Variants in ABL1 observed in about 807,000 individuals in gnomAD.
The protein encoded by ABL1 is ABL proto-oncogene 1, non-receptor tyrosine kinase, also known as tyrosine-protein kinase ABL1.
ABL1 carries 11 observed loss-of-function variants against 94.7 expected under a neutral mutation model. That is an observed-to-expected ratio of 0.12 (90% confidence interval 0.07 to 0.19). The LOEUF (loss-of-function observed/expected upper bound fraction) is 0.19. Ranked by LOEUF, ABL1 falls within the 10% of genes least tolerant of loss-of-function variation. The pLI is 1.00. For missense variants in ABL1, 1,082 were observed against 1,489.4 expected (o/e 0.73, Z 4.50); for synonymous variants, 656 against 622.4 (o/e 1.05, Z -0.80).
intron 1 of ABL1, among the ~76,000 whole-genome samples, chr9:130,728,725 A>G (rs1021693998): frequency 6.6e-6 from 1 of 150,620 alleles, no homozygotes; most frequent in South Asian, 2.1e-4. Context: ...TTTTCTGCTG[A>G]GATTCACCAT....
In ABL1 at chr9:130,725,842, T is replaced by TTTTTG. The variant is rs1564269532; in HGVS notation, c.136+11391_136+11392insGTTTT. 7.2e-4 allele frequency among the ~76,000 whole-genome samples: 92 copies of TTTTTG among 127,924 alleles called. 1 individual carries two copies. Among genetic ancestry groups the TTTTTG allele is most frequent in the African/African-American group, 2.4e-3 (81 of 34,396 alleles). 83.9% of individuals were successfully genotyped at this position (127,924 alleles called of 152,430 possible). A position where few individuals can be genotyped will look rare whatever the true frequency, so the allele number is the denominator to read the frequency against. ...TATGGTGGTTTTTTTTTTTTTTTTT[T>TTTTTG]TTTTTTTTTGAGACAGTCTCACTCT... On this transcript the variant is annotated intron_variant, in intron 1 of 10. Transcript: ENST00000372348.
At chr9:130,744,713 C>A (rs1045311093) in intron 1 of ABL1, among the ~76,000 whole-genome samples, 1 of 150,656 alleles carries the variant, frequency 6.6e-6, no homozygotes, top group African/African-American at 2.4e-5. Context: ...AAAAATTAGC[C>A]GAGCGTAGTG....
intron 1 of ABL1, among the ~76,000 whole-genome samples, chr9:130,810,753 G>T (rs201849490): frequency 2.1e-4 from 32 of 151,034 alleles, no homozygotes; most frequent in African/African-American, 4.6e-4. Context: ...TATATATAGA[G>T]AGAGAAAAAA....
At chr9:130,753,182 G>T (rs1050367685) in intron 1 of ABL1, among the ~76,000 whole-genome samples, 9 of 151,668 alleles carry the variant, frequency 5.9e-5, no homozygotes, top group Non-Finnish European at 1.3e-4. Context: ...GCGTGAACCC[G>T]GGAGGCAGAG....
rs2133038991 is a variant in ABL1 at position 130,885,151 on chromosome 9, G to A, written c.2861G>A (p.Gly954Asp). 6.2e-7 allele frequency: 1 copy of A among 1,613,078 alleles called. No homozygotes were observed. The highest frequency in any genetic ancestry group is 8.5e-7 in the Non-Finnish European group (1 of 1,179,904). The change falls in exon 11 of 11, where the codon GGC becomes GAC. Residue 954 changes from glycine (G) to aspartate (D), a missense_variant. Transcript: ENST00000318560. ...GCCAAGCCCAGCCAGCCGGGAGAGG[G>A]CCTCAAAAAGCCCGTGCTCCCGGCC... ...DAAKPSQPGE[G>D]LKKPVLPATP...
intron 1 of ABL1, among the ~76,000 whole-genome samples, chr9:130,793,012 G>A (rs934650699): frequency 6.6e-6 from 1 of 152,142 alleles, no homozygotes; most frequent in African/African-American, 2.4e-5. Flanking sequence ...TGCAGCCTCC[G>A]TCTCTGAGGT....
Position 130,835,747 on chromosome 9 carries a change from C to CTT in ABL1, c.79+223_79+224insTT, listed in dbSNP as rs1830567943. Among the ~76,000 whole-genome samples, 1 of 49,162 alleles carries CTT rather than the reference C, an allele frequency of 2.0e-5. No homozygotes were observed. The highest frequency in any genetic ancestry group is 6.0e-5 in the Non-Finnish European group (1 of 16,718). The allele number at this position is 49,162 out of a possible 152,430, so 32.3% of individuals were successfully genotyped here. ...GTCTCTTTTCTCTTCTCTTGTCTCT[C>CTT]TCTTTTTCTCTCTCTCTGTCTCTTT... On this transcript the variant is annotated intron_variant, in intron 1 of 10. Coordinates refer to ENST00000318560, the MANE Select transcript of ABL1 (RefSeq NM_005157.6). The surrounding 1 kb of genome is among the most constrained non-coding windows in gnomAD (Gnocchi z 4.6).
At chr9:130,855,980 A>G (rs945802934) in intron 3 of ABL1, among the ~76,000 whole-genome samples, 2 of 152,042 alleles carry the variant, frequency 1.3e-5, no homozygotes, top group African/African-American at 4.8e-5. Flanking sequence ...CAGTGGTGCG[A>G]TCTTGGCTCA....
At chr9:130,792,576 G>A (rs983570961) in intron 1 of ABL1, among the ~76,000 whole-genome samples, 1 of 152,146 alleles carries the variant, frequency 6.6e-6, no homozygotes, top group Non-Finnish European at 1.5e-5. Context: ...AGGAGAAGAA[G>A]TACGGAATTG....
intron 1 of ABL1, among the ~76,000 whole-genome samples, chr9:130,749,902 A>C (rs916078653): frequency 7.2e-5 from 11 of 152,258 alleles, no homozygotes; most frequent in African/African-American, 2.6e-4. Context: ...GGCCGGGCAC[A>C]GTGGCTCACA....
At chr9:130,845,260 T>C (rs1026562263) in intron 1 of ABL1, among the ~76,000 whole-genome samples, 6 of 152,280 alleles carry the variant, frequency 3.9e-5, no homozygotes, top group East Asian at 1.9e-4. Context: ...ATCTTTTACA[T>C]GACAATGTCT....
At chr9:130,860,525 G>A (rs1286607749) in intron 3 of ABL1, among the ~76,000 whole-genome samples, 3 of 152,098 alleles carry the variant, frequency 2.0e-5, no homozygotes, top group South Asian at 2.1e-4. Flanking sequence ...GAAGGAACCC[G>A]ATCCGCCAGT....
chr9:130,788,808 GT>G (rs1438575952), intron 1 of ABL1, among the ~76,000 whole-genome samples: 21 of 152,272 alleles, frequency 1.4e-4, no homozygotes, highest in African/African-American at 4.8e-4. Flanking sequence ...ACACATTTCT[GT>G]TTTAGAATAT....
intron 1 of ABL1, among the ~76,000 whole-genome samples, chr9:130,752,458 TTGCC>T (rs1831978195): frequency 1.3e-5 from 2 of 152,190 alleles, no homozygotes; most frequent in African/African-American, 2.4e-5. Flanking sequence ...ACATGCTTTC[TTGCC>T]CTACTGCAGG....
chr9:130,754,928 C>CA (rs1832024175), intron 1 of ABL1, among the ~76,000 whole-genome samples: 1 of 152,038 alleles, frequency 6.6e-6, no homozygotes, highest in South Asian at 2.1e-4. Flanking sequence ...CTAGGATAGT[C>CA]AGAGGAGTAC....
chr9:130,819,591 T>C (rs1364299790), intron 1 of ABL1, among the ~76,000 whole-genome samples: 1 of 133,358 alleles, frequency 7.5e-6, no homozygotes, highest in Non-Finnish European at 1.5e-5. Context: ...CAGGCCGGAG[T>C]GCAGTGGCAC....
At position 130,880,373 on chromosome 9, in the gene ABL1, C is replaced by T. The variant is rs1386983999; in HGVS notation, c.1514-127C>T. On this transcript the variant is annotated intron_variant, in intron 9 of 10. Coordinates refer to ENST00000318560, the MANE Select transcript of ABL1 (RefSeq NM_005157.6). This position sits in a 1 kb window ranked among gnomAD's most constrained non-coding sequence, Gnocchi z 4.4. ...CTAAGGGCTGTTTCTCCGGTATCCA[C>T]GTGCCTTTTCTTTAGTTGTATGCAG... 3.2e-5 allele frequency: 38 copies of T among 1,202,498 alleles called. No homozygotes were observed. Among genetic ancestry groups the T allele is most frequent in the Non-Finnish European group, 4.1e-5 (35 of 852,328 alleles). 74.5% of individuals were successfully genotyped at this position (1,202,498 alleles called of 1,614,324 possible). A position where few individuals can be genotyped will look rare whatever the true frequency, so the allele number is the denominator to read the frequency against.
At chr9:130,776,910 T>C (rs957858753) in intron 1 of ABL1, among the ~76,000 whole-genome samples, 4 of 152,166 alleles carry the variant, frequency 2.6e-5, no homozygotes, top group African/African-American at 7.2e-5. Flanking sequence ...CTTATTAATT[T>C]AATGCTGGTT....
upstream of ABL1, among the ~76,000 whole-genome samples, chr9:130,832,219 G>A (rs927074090): frequency 6.7e-6 from 1 of 149,844 alleles, no homozygotes; most frequent in East Asian, 2.0e-4. Context: ...CACCTCCCAG[G>A]TTCAAGCAAT....
Sources: gnomAD v4.1 joint callset for allele counts (sites outside exome capture counted in the v4.1 genomes callset) on GRCh38, gnomAD v4.1.1 for gene constraint, Gnocchi (gnomAD v3.1) non-coding constraint, MANE v1.5 for transcripts, NCBI Gene and HGNC (gene_info 2026-07-23, HGNC 2026-07-21) for gene names.